Variants in GAB2 observed in about 807,000 individuals in gnomAD.
The protein encoded by GAB2 is GRB2 associated binding protein 2, also known as GRB2-associated-binding protein 2.
In GAB2, 26 loss-of-function variants were observed where a neutral mutation model predicts 65.5. The observed-to-expected ratio is 0.40, with a 90% confidence interval of 0.29 to 0.55. The LOEUF (loss-of-function observed/expected upper bound fraction) is 0.55. Ranked by LOEUF, GAB2 falls within the 20% of genes least tolerant of loss-of-function variation. The pLI, the probability that GAB2 is intolerant of heterozygous loss-of-function variation, is 0.53. For missense variants in GAB2, 884 were observed against 875.8 expected, an observed-to-expected ratio of 1.01 and a Z score of -0.12; for synonymous variants, 321 against 329.6, an observed-to-expected ratio of 0.97 and a Z score of 0.28.
chr11:78,275,597 T>C (rs1866145148), intron 2 of GAB2, among the ~76,000 whole-genome samples: 1 of 152,314 alleles, frequency 6.6e-6, no homozygotes, highest in Admixed American at 6.5e-5. Flanking sequence ...GAAAAGCCAA[T>C]TGTTTTCAAC....
chr11:78,252,763 T>G (rs569558504), intron 2 of GAB2, among the ~76,000 whole-genome samples: 1 of 152,286 alleles, frequency 6.6e-6, no homozygotes, highest in East Asian at 1.9e-4. Flanking sequence ...CTTCACCTGC[T>G]GAGCACCTCC....
chr11:78,309,967 T>C (rs994086639), intron 1 of GAB2, among the ~76,000 whole-genome samples: 18 of 101,328 alleles, frequency 1.8e-4, no homozygotes, highest in Middle Eastern at 5.5e-3. Flanking sequence ...TGTGTGTGTG[T>C]GTGTGCGCGC....
intron 1 of GAB2, among the ~76,000 whole-genome samples, chr11:78,390,304 C>T (rs73502940): frequency 0.027 from 4,168 of 152,270 alleles, 162 homozygotes; most frequent in African/African-American, 0.088. Flanking sequence ...CCAACTTATA[C>T]AGAGGCCTTA....
intron 1 of GAB2, among the ~76,000 whole-genome samples, chr11:78,287,522 C>A (rs934467706): frequency 6.6e-6 from 1 of 152,200 alleles, no homozygotes; most frequent in African/African-American, 2.4e-5. Context: ...AAGTAATCTT[C>A]CTGCCTTGGC....
intron 3 of GAB2, among the ~76,000 whole-genome samples, chr11:78,233,418 G>T (rs1864900543): frequency 6.6e-6 from 1 of 152,150 alleles, no homozygotes; most frequent in African/African-American, 2.4e-5. Flanking sequence ...CCAGATCACT[G>T]ATCATCTATT....
At chr11:78,380,881 T>C (rs1856689275) in intron 1 of GAB2, among the ~76,000 whole-genome samples, 1 of 148,630 alleles carries the variant, frequency 6.7e-6, no homozygotes, top group African/African-American at 2.5e-5. Context: ...AATGTAGGAA[T>C]CTGTAACCAG....
chr11:78,230,409 C>T (rs1364125763), intron 3 of GAB2, among the ~76,000 whole-genome samples: 1 of 152,252 alleles, frequency 6.6e-6, no homozygotes, highest in African/African-American at 2.4e-5. Flanking sequence ...CAACACCTTA[C>T]ACAAAGTCCA....
chr11:78,220,512 C>T (rs1194379012), intron 8 of GAB2, 68 bp from the exon 9 acceptor site: 4 of 1,384,702 alleles, frequency 2.9e-6, no homozygotes. Flanking sequence ...CAGAAAAACA[C>T]CTCTGGGAGT....
chr11:78,263,248 G>T (rs770385094), intron 2 of GAB2, among the ~76,000 whole-genome samples: 1 of 152,176 alleles, frequency 6.6e-6, no homozygotes, highest in Non-Finnish European at 1.5e-5. Context: ...GAGCCCATTA[G>T]TATTATTATA....
chr11:78,229,851 C>G (rs1345464172), intron 3 of GAB2, among the ~76,000 whole-genome samples: 1 of 152,162 alleles, frequency 6.6e-6, no homozygotes, highest in Non-Finnish European at 1.5e-5. Context: ...GGCTTCTTAC[C>G]TCAATCTGGC....
intron 2 of GAB2, among the ~76,000 whole-genome samples, chr11:78,277,421 T>C (rs189877524): frequency 6.6e-6 from 1 of 152,076 alleles, no homozygotes; most frequent in Admixed American, 6.5e-5. Flanking sequence ...GGTTAAACTC[T>C]CTAAAATAAC....
chr11:78,416,459 TC>T (rs556598704), intron 1 of GAB2, among the ~76,000 whole-genome samples: 4 of 152,074 alleles, frequency 2.6e-5, no homozygotes, highest in Non-Finnish European at 5.9e-5. Flanking sequence ...CTTCTGCCTC[TC>T]CCCCCATGGA....
intron 8 of GAB2, 61 bp downstream of exon 8, chr11:78,221,616 C>T: frequency 1.0e-6 from 1 of 986,510 alleles, no homozygotes; most frequent in Non-Finnish European, 1.6e-6. Context: ...AAGTGGGGAA[C>T]TGAGGGGTGG....
intron 1 of GAB2, among the ~76,000 whole-genome samples, chr11:78,323,614 T>A (rs1182821027): frequency 6.7e-6 from 1 of 149,398 alleles, no homozygotes; most frequent in African/African-American, 2.5e-5. Flanking sequence ...AAGACGGAAA[T>A]AGTAGACACT....
chr11:78,360,113 T>C (rs927029114), intron 1 of GAB2, among the ~76,000 whole-genome samples: 1 of 152,152 alleles, frequency 6.6e-6, no homozygotes, highest in Non-Finnish European at 1.5e-5. Flanking sequence ...AAGGAACATC[T>C]GGAGCCACCG....
chr11:78,360,718 G>A (rs2134716328), intron 1 of GAB2, among the ~76,000 whole-genome samples: 1 of 152,054 alleles, frequency 6.6e-6, no homozygotes, highest in Non-Finnish European at 1.5e-5. Flanking sequence ...ATTAGCTGGG[G>A]GTGGTAGCAT....
chr11:78,417,527 G>A (rs1857214750), intron 1 of GAB2, 119 bp downstream of exon 1: 1 of 208,196 alleles, frequency 4.8e-6, no homozygotes, highest in Non-Finnish European at 8.0e-6. Context: ...CCTCGCCCCC[G>A]GCCCCCCGCG....
chr11:78,220,606 A>G (rs377149485), intron 8 of GAB2, among the ~76,000 whole-genome samples, 162 bp from the exon 9 acceptor site: 3 of 152,164 alleles, frequency 2.0e-5, no homozygotes, highest in Non-Finnish European at 4.4e-5. Context: ...CCTCATGACA[A>G]TCCTGTAAGG....
intron 3 of GAB2, among the ~76,000 whole-genome samples, chr11:78,229,759 CA>C (rs1310179135): frequency 1.3e-5 from 2 of 152,226 alleles, no homozygotes; most frequent in Non-Finnish European, 2.9e-5. Flanking sequence ...CTCTAGGATC[CA>C]AACCAAACTT....
Sources: allele counts gnomAD v4.1 joint callset (sites outside exome capture counted in the v4.1 genomes callset), GRCh38; gene constraint gnomAD v4.1.1; transcripts MANE v1.5; gene names NCBI Gene and HGNC (gene_info 2026-07-23, HGNC 2026-07-21).